Variants in ATP2A1 observed in about 807,000 individuals in gnomAD.
The protein encoded by ATP2A1 is sarcoplasmic/endoplasmic reticulum calcium ATPase 1.
ATP2A1 carries 83 observed loss-of-function variants against 109.5 expected under a neutral mutation model. The observed-to-expected ratio is 0.76, with a 90% CI of 0.63 to 0.91. ATP2A1 has a LOEUF of 0.91. ATP2A1 is among the 40% of genes least tolerant of loss of function. The pLI is 0.00. For missense variants in ATP2A1, 1,101 were observed against 1,341.0 expected (o/e 0.82, Z 2.80); for synonymous variants, 505 against 537.6 (o/e 0.94, Z 0.84).
intron 5 of ATP2A1, 83 bp from the exon 6 acceptor site, chr16:28,884,492 A>G: frequency 7.6e-7 from 1 of 1,313,442 alleles, no homozygotes; most frequent in Non-Finnish European, 1.1e-6. Flanking sequence ...GAGGAGAACG[A>G]GTCAGACACA....
At chr16:28,900,471 C>CAA in intron 14 of ATP2A1, 110 bp from the exon 15 acceptor site, 4 of 932,376 alleles carry the variant, frequency 4.3e-6, no homozygotes, top group Non-Finnish European at 4.5e-6. Flanking sequence ...CTTCCCACCC[C>CAA]TCCCCACCAC....
chr16:28,898,282 C>G lies in ATP2A1; in HGVS notation c.1595C>G (p.Thr532Ser), dbSNP rs775508844. 1 of 1,614,232 alleles carries G rather than the reference C, an allele frequency of 6.2e-7. No individual in the cohort carries two copies. Among genetic ancestry groups the G allele is most frequent in the Non-Finnish European group, 8.5e-7 (1 of 1,180,052 alleles). Reference sequence around the variant, plus strand: ...CGCTGTAACTATGTGCGAGTTGGCACCACCCGGGTGCCACTGACGGGGCCG... The same window carrying G: ...CGCTGTAACTATGTGCGAGTTGGCAGCACCCGGGTGCCACTGACGGGGCCG... ...IDRCNYVRVG[T>S]TRVPLTGPVK... is the part of the protein sequence containing the mutation. The change falls in exon 14 of 23, where the codon ACC (threonine) becomes AGC (serine). Residue 532 changes from threonine (T) to serine (S), a missense_variant. Transcript: ENST00000395503. This position sits in a 1 kb window ranked among gnomAD's most constrained non-coding sequence, Gnocchi z 4.0.
In ATP2A1 at chr16:28,880,616, C is replaced by T. The variant is rs1057294403; in HGVS notation, c.220-299C>T. 2.6e-5 allele frequency among the ~76,000 whole-genome samples: 4 copies of T among 152,222 alleles called. No individual in the cohort carries two copies. Among genetic ancestry groups the T allele is most frequent in the African/African-American group, 4.8e-5 (2 of 41,456 alleles). On this transcript the variant is annotated intron_variant, in intron 3 of 22. Coordinates refer to ENST00000395503, the MANE Select transcript of ATP2A1 (RefSeq NM_004320.6). This position sits in a 1 kb window ranked among gnomAD's most constrained non-coding sequence, Gnocchi z 4.2. Reference sequence around the variant, plus strand: ...TGGATGTGGCTGTGCGGGGGGTTGGCCTGAGCTTCGCTTCTAAGCCAGCAG... The same window carrying T: ...TGGATGTGGCTGTGCGGGGGGTTGGTCTGAGCTTCGCTTCTAAGCCAGCAG...
chr16:28,882,827 C>T (rs1963523914), intron 5 of ATP2A1, among the ~76,000 whole-genome samples: 1 of 152,236 alleles, frequency 6.6e-6, no homozygotes, highest in South Asian at 2.1e-4. Context: ...CCCTGCTCCC[C>T]ATCCTCTCAC....
intron 9 of ATP2A1, 87 bp from the exon 10 acceptor site, chr16:28,894,068 T>A (rs1428130139): frequency 1.8e-6 from 2 of 1,125,186 alleles, no homozygotes; most frequent in African/African-American, 3.1e-5. Flanking sequence ...AAGGTAGGTG[T>A]TGGCAGTGCA....
intron 8 of ATP2A1, among the ~76,000 whole-genome samples, chr16:28,888,021 T>A (rs1567483177): frequency 2.0e-5 from 3 of 152,078 alleles, no homozygotes; most frequent in Admixed American, 1.3e-4. Context: ...CAGGATGGTC[T>A]CGATCTCCTG....
chr16:28,887,134 A>G, intron 6 of ATP2A1, 55 bp from the exon 7 acceptor site: 1 of 1,567,442 alleles, frequency 6.4e-7, no homozygotes, highest in Non-Finnish European at 8.8e-7. Context: ...AGGCACGGGA[A>G]GCCTGGGAGA....
At position 28,888,093 on chromosome 16, in the gene ATP2A1, A is replaced by G. The variant is rs148523625; in HGVS notation, c.928+371A>G. ...TGGGATTACAGGCGTGAGCCACCGC[A>G]CCCGGCCTTGCTCAGTGCAACCTCT... On this transcript the variant is annotated intron_variant, in intron 8 of 22. Coordinates refer to ENST00000395503, the MANE Select transcript of ATP2A1 (RefSeq NM_004320.6). 2.5e-3 allele frequency among the ~76,000 whole-genome samples: 372 copies of G among 148,706 alleles called. 2 individuals carry two copies. The highest frequency in any genetic ancestry group is 0.013 in the East Asian group (64 of 4,988).
chr16:28,887,216 C>G lies in ATP2A1; in HGVS notation c.572C>G (p.Thr191Arg). Residue 191 changes from threonine (T) to arginine (R), a missense_variant, in exon 7 of 23, where the codon ACG becomes AGG. Physicochemically the swap from Thr to Arg is moderately conservative, Grantham distance 71. Coordinates refer to ENST00000395503, the MANE Select transcript of ATP2A1 (RefSeq NM_004320.6). Reference protein sequence around the residue: ...TGESVSVIKHTEPVPDPRAVN... With the variant: ...TGESVSVIKHREPVPDPRAVN... ...GAGTCTGTATCTGTCATCAAACACACGGAGCCCGTTCCTGACCCCCGAGCT... is the reference window on the plus strand; with the variant it reads ...GAGTCTGTATCTGTCATCAAACACAGGGAGCCCGTTCCTGACCCCCGAGCT... The G allele has an allele frequency of 6.2e-7, 1 of 1,613,800 alleles. No homozygotes were observed. The highest frequency in any genetic ancestry group is 8.5e-7 in the Non-Finnish European group (1 of 1,179,970).
At chr16:28,892,111 T>C (rs1008605009) in intron 9 of ATP2A1, among the ~76,000 whole-genome samples, 10 of 152,192 alleles carry the variant, frequency 6.6e-5, no homozygotes, top group Non-Finnish European at 4.4e-5. Context: ...GCATAAATTA[T>C]GCTATTTTGA....
rs1596686478 is a variant in ATP2A1 at position 28,901,877 on chromosome 16, C to T, written c.2115C>T (p.Val705=). 1.9e-6 allele frequency: 3 copies of T among 1,613,998 alleles called. No individual in the cohort carries two copies. Among genetic ancestry groups the T allele is most frequent in the Non-Finnish European group, 2.5e-6 (3 of 1,179,946 alleles). Residue 705 remains valine (V), a synonymous_variant, in exon 16 of 23, where the codon GTC becomes GTT. Transcript: ENST00000395503. ...DEITAMTGDG[V]NDAPALKKAE... ...TCCTCCCTCAGACAGGTGATGGCGT[C>T]AATGACGCCCCTGCCCTGAAGAAGG...
rs1424101269 is a variant in ATP2A1, at chr16:28,884,565, C to T, written c.464-10C>T. ...CCAAGTGACCTCCCTCTTCCCTACTCTCTCCACAGTGGGGGACAAAGTCCC... is the reference window on the plus strand; with the variant it reads ...CCAAGTGACCTCCCTCTTCCCTACTTTCTCCACAGTGGGGGACAAAGTCCC... On this transcript the variant is annotated splice_polypyrimidine_tract_variant and intron_variant, in intron 5 of 22. Coordinates refer to ENST00000395503, the MANE Select transcript of ATP2A1 (RefSeq NM_004320.6). 16 of 1,611,764 alleles carry T rather than the reference C, an allele frequency of 9.9e-6. No individual in the cohort carries two copies. The highest frequency in any genetic ancestry group is 6.7e-5 in the East Asian group (3 of 44,878).
At position 28,900,568 on chromosome 16, in the gene ATP2A1, T is replaced by C. The variant is rs890943572; in HGVS notation, c.1765-13T>C. The C allele has an allele frequency of 1.3e-6, 2 of 1,547,366 alleles. No individual in the cohort carries two copies. Reference sequence around the variant, plus strand: ...CCCCACCTGACCTGTGGCTCTCTGCTGTATCTCCCCAGACGGACCTGACAT... The same window carrying C: ...CCCCACCTGACCTGTGGCTCTCTGCCGTATCTCCCCAGACGGACCTGACAT... On this transcript the variant is annotated splice_polypyrimidine_tract_variant and intron_variant, in intron 14 of 22. Coordinates refer to ENST00000395503, the MANE Select transcript of ATP2A1 (RefSeq NM_004320.6).
At chr16:28,892,968 C>T (rs1963814435) in intron 9 of ATP2A1, among the ~76,000 whole-genome samples, 1 of 151,720 alleles carries the variant, frequency 6.6e-6, no homozygotes, top group East Asian at 1.9e-4. Context: ...CACTTGAACC[C>T]AGGAGGCGGA....
Position 28,900,915 on chromosome 16 carries a change from T to C in ATP2A1, c.2099T>C (p.Met700Thr). The C allele has an allele frequency of 6.2e-7, 1 of 1,614,012 alleles. No homozygotes were observed. The highest frequency in any genetic ancestry group is 8.5e-7 in the Non-Finnish European group (1 of 1,179,998). Reference protein sequence around the residue: ...YLQSYDEITAMTGDGVNDAPA... With the variant: ...YLQSYDEITATTGDGVNDAPA... ...CAGTCCTACGATGAGATCACAGCCA[T>C]GGTGAGAGGGCCCAGGCAGCTGCAG... Residue 700 changes from methionine to threonine, a missense_variant and splice_region_variant, in exon 15 of 23, where the codon ATG becomes ACG. Physicochemically the swap from Met to Thr is moderately conservative, Grantham distance 81. Transcript: ENST00000395503.
intron 15 of ATP2A1, 85 bp from the exon 16 acceptor site, chr16:28,901,778 G>A: frequency 1.6e-6 from 2 of 1,214,128 alleles, no homozygotes; most frequent in Middle Eastern, 2.6e-4. Context: ...GCAACAGAGT[G>A]AGACCTCATC....
Position 28,894,603 on chromosome 16 carries a change from A to T in ATP2A1, c.1283A>T (p.Asn428Ile). Residue 428 changes from asparagine to isoleucine, a missense_variant, in exon 11 of 23, where the codon AAC becomes ATC. Coordinates refer to ENST00000395503, the MANE Select transcript of ATP2A1 (RefSeq NM_004320.6). The part of the protein sequence containing the change: ...ALCNDSSLDF[N>I]EAKGVYEKVG... ...TGCAATGACTCCTCCTTGGACTTCA[A>T]CGAGGTAACCTCTCCTTCCCCTTCC... is the stretch of plus-strand genomic sequence containing the variant. The T allele has an allele frequency of 6.2e-7, 1 of 1,614,052 alleles. No homozygotes were observed. Among genetic ancestry groups the T allele is most frequent in the Non-Finnish European group, 8.5e-7 (1 of 1,179,964 alleles).
chr16:28,879,953 C>T (rs1440925666), intron 3 of ATP2A1: 2 of 999,346 alleles, frequency 2.0e-6, no homozygotes, highest in East Asian at 1.0e-4. Context: ...GGCGGACGGC[C>T]GCTCCACCAA....
rs1241798985 is a variant in ATP2A1, at chr16:28,888,970, G to C, written c.1095+17G>C. On this transcript the variant is annotated intron_variant, in intron 9 of 22. Coordinates refer to ENST00000395503, the MANE Select transcript of ATP2A1 (RefSeq NM_004320.6). ...GTCTGCAAGGTCAGGAGCAGTGTGG[G>C]CAGCGCGCTCAGTCAGAAGGCTGCC... 8 of 1,613,882 alleles carry C rather than the reference G, an allele frequency of 5.0e-6. No individual in the cohort carries two copies. The highest frequency in any genetic ancestry group is 5.9e-6 in the Non-Finnish European group (7 of 1,179,974).
Sources: allele counts gnomAD v4.1 joint callset (sites outside exome capture counted in the v4.1 genomes callset), GRCh38; gene constraint gnomAD v4.1.1; non-coding constraint Gnocchi (gnomAD v3.1); transcripts MANE v1.5; gene names NCBI Gene and HGNC (gene_info 2026-07-23, HGNC 2026-07-21).